The following RASSF5 variants were observed in gnomAD, a reference collection of about 807,000 sequenced individuals.
The protein encoded by RASSF5 is ras association domain-containing protein 5.
Under a neutral mutation model 40.5 loss-of-function variants are expected in RASSF5, and 25 were observed. That is an observed-to-expected ratio of 0.62 (90% confidence interval 0.45 to 0.86). The LOEUF (loss-of-function observed/expected upper bound fraction) is 0.86. Ranked by LOEUF, RASSF5 falls within the 40% of genes least tolerant of loss-of-function variation. The pLI is 0.00. For synonymous variants in RASSF5, 246 were observed against 252.4 expected (o/e 0.97, Z 0.24); for missense variants, 521 against 572.8 (o/e 0.91, Z 0.92).
Position 206,584,938 on chromosome 1 carries a change from G to GC in RASSF5, c.989-238dup. The GC allele has an allele frequency of 1.7e-6, 1 of 605,690 alleles. No individual in the cohort carries two copies. The highest frequency in any genetic ancestry group is 1.9e-5 in the African/African-American group (1 of 54,018). The allele number at this position is 605,690 out of a possible 1,614,324, so 37.5% of individuals were successfully genotyped here. On this transcript the variant is annotated intron_variant, in intron 4 of 5. Coordinates refer to ENST00000579436, the MANE Select transcript of RASSF5 (RefSeq NM_182663.4). The surrounding 1 kb of genome is among the most constrained non-coding windows in gnomAD (Gnocchi z 4.9). Reference sequence around the variant, plus strand: ...CTGATCTGTGCAATGGGAGGAATCTGCCCCACCATTCCTAATCTTTCAGGA... The same window carrying GC: ...CTGATCTGTGCAATGGGAGGAATCTGCCCCCACCATTCCTAATCTTTCAGGA...
intron 2 of RASSF5, among the ~76,000 whole-genome samples, chr1:206,578,513 A>G (rs898330475): frequency 5.3e-5 from 8 of 152,204 alleles, no homozygotes; most frequent in Admixed American, 5.2e-4. Flanking sequence ...AGCTTGACAA[A>G]TAAAGTGACT....
At chr1:206,557,281 C>G (rs1223365564) in intron 2 of RASSF5, 2 of 1,191,776 alleles carry the variant, frequency 1.7e-6, no homozygotes, top group Non-Finnish European at 2.1e-6. Flanking sequence ...CCGCAGAGCC[C>G]GGACGAGTCA....
intron 2 of RASSF5, among the ~76,000 whole-genome samples, chr1:206,580,107 C>G (rs1450866217): frequency 2.0e-5 from 3 of 152,178 alleles, no homozygotes; most frequent in African/African-American, 7.2e-5. Flanking sequence ...GGCAGAGGTG[C>G]CTGTGGCCAC....
intron 2 of RASSF5, among the ~76,000 whole-genome samples, chr1:206,574,853 CT>C (rs71570015): frequency 0.22 from 19,298 of 86,048 alleles, 1,064 homozygotes; most frequent in East Asian, 0.38. Flanking sequence ...GGACCAATGA[CT>C]TTTTTTTTTT....
chr1:206,582,573 G>T (rs949488955), intron 2 of RASSF5, among the ~76,000 whole-genome samples: 3 of 152,318 alleles, frequency 2.0e-5, no homozygotes, highest in Admixed American at 2.0e-4. Flanking sequence ...AATTCTAGGT[G>T]TCCCTGTGCC....
In RASSF5 at chr1:206,560,169, G is replaced by A. The variant is rs1553402393; in HGVS notation, c.579+21876G>A. Among the ~76,000 whole-genome samples the A allele has an allele frequency of 6.6e-6, 1 of 152,174 alleles. No individual in the cohort carries two copies. The highest frequency in any genetic ancestry group is 2.4e-5 in the African/African-American group (1 of 41,434). ...TGTTTCCCGGTCGTCGAGAGATTGA[G>A]GCCCTCATCTGGGAAGGGCTGAGCT... is the stretch of plus-strand genomic sequence containing the variant. On this transcript the variant is annotated intron_variant, in intron 2 of 5. Coordinates refer to ENST00000579436, the MANE Select transcript of RASSF5 (RefSeq NM_182663.4). This position sits in a 1 kb window ranked among gnomAD's most constrained non-coding sequence, Gnocchi z 5.1.
intron 2 of RASSF5, among the ~76,000 whole-genome samples, chr1:206,562,532 G>A (rs80229444): frequency 0.023 from 3,479 of 152,220 alleles, 155 homozygotes; most frequent in African/African-American, 0.08. Flanking sequence ...CCACACTCGT[G>A]GGATTCACTG....
At chr1:206,538,080 G>T in intron 1 of RASSF5, 92 bp from the exon 2 acceptor site, 2 of 1,562,092 alleles carry the variant, frequency 1.3e-6, no homozygotes, top group South Asian at 2.3e-5. Flanking sequence ...TTCCCACTGG[G>T]AACTAATGCA....
chr1:206,524,787 G>A (rs577620974), intron 1 of RASSF5, among the ~76,000 whole-genome samples: 3 of 149,188 alleles, frequency 2.0e-5, no homozygotes, highest in African/African-American at 4.9e-5. Context: ...AGTTAATATA[G>A]TCTATAGTTG....
chr1:206,530,111 G>A (rs1297715013), intron 1 of RASSF5, among the ~76,000 whole-genome samples: 2 of 152,104 alleles, frequency 1.3e-5, no homozygotes, highest in East Asian at 1.9e-4. Flanking sequence ...TTTTCCATTA[G>A]TAAAGAATAT....
At chr1:206,537,073 G>A (rs1482468192) in intron 1 of RASSF5, among the ~76,000 whole-genome samples, 1 of 150,702 alleles carries the variant, frequency 6.6e-6, no homozygotes, top group Non-Finnish European at 1.5e-5. Context: ...TGCTGCCTTT[G>A]ACTTCACCTC....
At chr1:206,575,623 C>G (rs1260984059) in intron 2 of RASSF5, among the ~76,000 whole-genome samples, 1 of 152,150 alleles carries the variant, frequency 6.6e-6, no homozygotes, top group East Asian at 1.9e-4. Flanking sequence ...TCTCCACACC[C>G]AATTCTCTGA....
At chr1:206,557,661 T>C in intron 2 of RASSF5, 1 of 1,614,250 alleles carries the variant, frequency 6.2e-7, no homozygotes, top group South Asian at 1.1e-5. Context: ...GACTACCTTT[T>C]TCAGAAATGC....
At chr1:206,523,343 A>G (rs1666956940) in intron 1 of RASSF5, among the ~76,000 whole-genome samples, 1 of 131,576 alleles carries the variant, frequency 7.6e-6, no homozygotes, top group Non-Finnish European at 1.5e-5. Flanking sequence ...ATATTTATAT[A>G]TTATATATTT....
intron 2 of RASSF5, among the ~76,000 whole-genome samples, chr1:206,557,854 C>A (rs1366958108): frequency 6.6e-6 from 1 of 152,232 alleles, no homozygotes; most frequent in Admixed American, 6.5e-5. Context: ...TGGAGCCCTT[C>A]AGGGACCTGC....
chr1:206,513,316 T>C lies in RASSF5; in HGVS notation c.457+5257T>C, dbSNP rs1666665195. On this transcript the variant is annotated intron_variant, in intron 1 of 5. Transcript: ENST00000579436. The surrounding 1 kb of genome is among the most constrained non-coding windows in gnomAD (Gnocchi z 5.0). ...GGCTGCTGAGGAACCTGTAAACACA[T>C]CTCTGGCCTCACCAGAGGCCCTTCC... is the stretch of plus-strand genomic sequence containing the variant. 6.6e-6 allele frequency among the ~76,000 whole-genome samples: 1 copy of C among 152,170 alleles called. No individual in the cohort carries two copies. Among genetic ancestry groups the C allele is most frequent in the African/African-American group, 2.4e-5 (1 of 41,448 alleles).
intron 2 of RASSF5, 33 bp downstream of exon 2, chr1:206,538,326 A>G (rs781788074): frequency 6.2e-7 from 1 of 1,610,890 alleles, no homozygotes; most frequent in Non-Finnish European, 8.5e-7. Flanking sequence ...CAAGCTGGGA[A>G]CAGCCTCTGC....
Position 206,535,747 on chromosome 1 carries a change from A to T in RASSF5, c.458-2425A>T, listed in dbSNP as rs539301293. Among the ~76,000 whole-genome samples, 1,304 of 150,614 alleles carry T rather than the reference A, an allele frequency of 8.7e-3. 25 individuals are homozygous for T. Among genetic ancestry groups the T allele is most frequent in the African/African-American group, 0.03 (1,236 of 40,610 alleles). The stretch of plus-strand genomic sequence containing the variant: ...GTGTGTGTGTGTGTGTGTGTGTGAG[A>T]GAGAGAGAGAGAGATGGAAATTGAG... On this transcript the variant is annotated intron_variant, in intron 1 of 5. Coordinates refer to ENST00000579436, the MANE Select transcript of RASSF5 (RefSeq NM_182663.4). The surrounding 1 kb of genome is among the most constrained non-coding windows in gnomAD (Gnocchi z 5.0).
In RASSF5 at chr1:206,531,541, A is replaced by C. The variant is rs1168946057; in HGVS notation, c.458-6631A>C. On this transcript the variant is annotated intron_variant, in intron 1 of 5. Transcript: ENST00000579436. The surrounding 1 kb of genome is among the most constrained non-coding windows in gnomAD (Gnocchi z 4.7). ...AGCTGCCCTGGGATGGTCTGTGCGC[A>C]GAGGGCGCTGGAGACCCTCTCTGGG... Among the ~76,000 whole-genome samples, 1 of 152,180 alleles carries C rather than the reference A, an allele frequency of 6.6e-6. No homozygotes were observed. The highest frequency in any genetic ancestry group is 1.5e-5 in the Non-Finnish European group (1 of 68,024).
Sources: gnomAD v4.1 joint callset for allele counts (sites outside exome capture counted in the v4.1 genomes callset) on GRCh38, gnomAD v4.1.1 for gene constraint, Gnocchi (gnomAD v3.1) non-coding constraint, MANE v1.5 for transcripts, NCBI Gene and HGNC (gene_info 2026-07-23, HGNC 2026-07-21) for gene names.